The following SLC38A1 variants were observed in gnomAD, a reference collection of about 807,000 sequenced individuals.
SLC38A1 encodes sodium-coupled neutral amino acid symporter 1.
SLC38A1 carries 18 observed loss-of-function variants against 60.3 expected under a neutral mutation model. That is an observed-to-expected ratio of 0.30 (90% CI 0.21 to 0.44). SLC38A1 has a LOEUF of 0.44. Ranked by LOEUF, SLC38A1 falls within the 20% of genes least tolerant of loss-of-function variation. The pLI is 1.00. For missense variants in SLC38A1, 448 were observed against 587.2 expected, an observed-to-expected ratio of 0.76 and a Z score of 2.45; for synonymous variants, 196 against 212.1, an observed-to-expected ratio of 0.92 and a Z score of 0.66.
chr12:46,238,187 T>C (rs1592130845), intron 3 of SLC38A1, among the ~76,000 whole-genome samples: 1 of 149,736 alleles, frequency 6.7e-6, no homozygotes, highest in East Asian at 1.9e-4. Context: ...GAAATGGGTA[T>C]TATTATTAAG....
In SLC38A1 at chr12:46,239,685, A is replaced by C. The variant is rs760540701; in HGVS notation, c.116T>G (p.Ile39Arg). The change falls in exon 3 of 17, where the codon ATA becomes AGA. Residue 39 changes from isoleucine to arginine, a missense_variant. Around this residue, in one of 2 missense-constraint regions of SLC38A1, gnomAD observed 102 missense variants for 89.7 expected, o/e 1.14. Transcript: ENST00000398637. ...NDFTEVENGQ[I>R]NSKFISDRES... Reference sequence around the variant, plus strand: ...TTAGTGGAAAAATACTCACCTATTTATCTGACCATTTTCTACTTCGGTGAA... The same window carrying C: ...TTAGTGGAAAAATACTCACCTATTTCTCTGACCATTTTCTACTTCGGTGAA... The C allele has an allele frequency of 6.2e-7, 1 of 1,613,716 alleles. No individual in the cohort carries two copies. Among genetic ancestry groups the C allele is most frequent in the South Asian group, 1.1e-5 (1 of 91,066 alleles).
intron 16 of SLC38A1, among the ~76,000 whole-genome samples, chr12:46,193,769 T>C (rs948445796): frequency 4.6e-5 from 7 of 152,294 alleles, no homozygotes; most frequent in African/African-American, 1.4e-4. Context: ...CTTTTTTTTT[T>C]GCTTTCCATT....
intron 16 of SLC38A1, among the ~76,000 whole-genome samples, chr12:46,189,727 T>A (rs1325817333): frequency 2.0e-5 from 3 of 152,080 alleles, no homozygotes; most frequent in Non-Finnish European, 4.4e-5. Flanking sequence ...GGCGGGTCTT[T>A]CCCATGCTGT....
intron 2 of SLC38A1, among the ~76,000 whole-genome samples, chr12:46,240,218 T>C (rs1475648588): frequency 6.6e-6 from 1 of 152,184 alleles, no homozygotes; most frequent in African/African-American, 2.4e-5. Flanking sequence ...TTCTTTGAGA[T>C]GGAGTCTCGC....
At chr12:46,198,180 G>C (rs1939475999) in intron 14 of SLC38A1, 120 bp from the exon 15 acceptor site, 1 of 1,080,748 alleles carries the variant, frequency 9.3e-7, no homozygotes, top group Admixed American at 2.6e-5. Flanking sequence ...GTAATGCCTA[G>C]TGAATTTATA....
At chr12:46,194,490 T>C (rs1462189178) in intron 16 of SLC38A1, among the ~76,000 whole-genome samples, 3 of 152,190 alleles carry the variant, frequency 2.0e-5, no homozygotes, top group Non-Finnish European at 2.9e-5. Flanking sequence ...CCTTGCTAGA[T>C]TGGGGAAGTT....
At position 46,256,636 on chromosome 12, in the gene SLC38A1, C is replaced by CAGAGAGAGAGAGAGAGAG. The variant is rs1555192390; in HGVS notation, c.-209+11872_-209+11889dup. Among the ~76,000 whole-genome samples, 371 of 123,246 alleles carry CAGAGAGAGAGAGAGAGAG rather than the reference C, an allele frequency of 3.0e-3. 3 individuals are homozygous for CAGAGAGAGAGAGAGAGAG. Among genetic ancestry groups the CAGAGAGAGAGAGAGAGAG allele is most frequent in the South Asian group, 0.014 (51 of 3,616 alleles). 80.9% of individuals were successfully genotyped at this position (123,246 alleles called of 152,430 possible). A position where few individuals can be genotyped will look rare whatever the true frequency, so the allele number is the denominator to read the frequency against. On this transcript the variant is annotated intron_variant, in intron 1 of 16. Coordinates refer to ENST00000398637, the MANE Select transcript of SLC38A1 (RefSeq NM_030674.4). Reference sequence around the variant, plus strand: ...GCGCACACACACACACACACACACACAGAGAGAGAGAGAGAGAGAGAGAGA... The same window carrying CAGAGAGAGAGAGAGAGAG: ...GCGCACACACACACACACACACACACAGAGAGAGAGAGAGAGAGAGAGAGAGAGAGAGAGAGAGAGAGA...
In SLC38A1 at chr12:46,265,550, A is replaced by G. The variant is rs143297322; in HGVS notation, c.-209+2976T>C. On this transcript the variant is annotated intron_variant, in intron 1 of 16. Coordinates refer to ENST00000398637, the MANE Select transcript of SLC38A1 (RefSeq NM_030674.4). ...TAGGGTGAACTGTGAGAAAGAAAATATCAAGAGAAAAAATTGGAAAGAGAT... is the reference window on the plus strand; with the variant it reads ...TAGGGTGAACTGTGAGAAAGAAAATGTCAAGAGAAAAAATTGGAAAGAGAT... Among the ~76,000 whole-genome samples the G allele has an allele frequency of 6.5e-3, 992 of 152,328 alleles. 5 individuals are homozygous for G. The highest frequency in any genetic ancestry group is 8.4e-3 in the Admixed American group (129 of 15,298).
In SLC38A1 at chr12:46,207,516, A is replaced by G. The variant is rs777980243; in HGVS notation, c.481+13T>C. ...AGTTTCAAGTTATGTAAAGAAAAGC[A>G]TGTTCTTTTTACCTCCAGTGTTCTG... On this transcript the variant is annotated intron_variant, in intron 7 of 16. Coordinates refer to ENST00000398637, the MANE Select transcript of SLC38A1 (RefSeq NM_030674.4). The G allele has an allele frequency of 5.6e-6, 9 of 1,608,162 alleles. No homozygotes were observed. In the Admixed American group the frequency reaches 1.3e-4, roughly 24 times the overall value.
intron 1 of SLC38A1, chr12:46,254,842 G>T (rs1287305027): frequency 6.5e-6 from 1 of 153,174 alleles, no homozygotes; most frequent in Non-Finnish European, 1.5e-5. Flanking sequence ...GGGGAAATCA[G>T]GTAGAGAGAA....
intron 2 of SLC38A1, among the ~76,000 whole-genome samples, chr12:46,241,384 C>T (rs1425215508): frequency 6.6e-6 from 1 of 152,150 alleles, no homozygotes; most frequent in Non-Finnish European, 1.5e-5. Context: ...TTTCCACAGC[C>T]AGGCCACACA....
chr12:46,213,578 C>T (rs1940274361), intron 5 of SLC38A1, among the ~76,000 whole-genome samples: 1 of 152,172 alleles, frequency 6.6e-6, no homozygotes, highest in African/African-American at 2.4e-5. Context: ...TATCTCTCAC[C>T]CATTCCCTCA....
chr12:46,236,560 A>G (rs1208284918), intron 3 of SLC38A1, among the ~76,000 whole-genome samples: 1 of 152,162 alleles, frequency 6.6e-6, no homozygotes, highest in Non-Finnish European at 1.5e-5. Flanking sequence ...CTAAATCCAA[A>G]GCCATGTACT....
At chr12:46,224,831 A>G (rs1473635084) in intron 5 of SLC38A1, among the ~76,000 whole-genome samples, 1 of 152,210 alleles carries the variant, frequency 6.6e-6, no homozygotes, top group African/African-American at 2.4e-5. Context: ...TTATCCATGA[A>G]TCTTACAAAT....
chr12:46,252,728 T>C (rs1386288512), intron 1 of SLC38A1, among the ~76,000 whole-genome samples: 1 of 152,056 alleles, frequency 6.6e-6, no homozygotes, highest in Admixed American at 6.6e-5. Context: ...CCATGGTTTT[T>C]CTATGCACAT....
intron 1 of SLC38A1, among the ~76,000 whole-genome samples, chr12:46,252,566 CATGA>C (rs1941888001): frequency 6.6e-6 from 1 of 151,326 alleles, no homozygotes; most frequent in South Asian, 2.1e-4. Flanking sequence ...AAAATAATTA[CATGA>C]ATGAATTAAT....
intron 3 of SLC38A1, among the ~76,000 whole-genome samples, chr12:46,236,292 T>TC (rs765630717): frequency 4.6e-5 from 7 of 152,156 alleles, no homozygotes; most frequent in Non-Finnish European, 8.8e-5. Flanking sequence ...AGGATATAAA[T>TC]AAGTCCCACA....
At chr12:46,222,151 T>G (rs1940684359) in intron 5 of SLC38A1, among the ~76,000 whole-genome samples, 1 of 152,176 alleles carries the variant, frequency 6.6e-6, no homozygotes, top group Non-Finnish European at 1.5e-5. Context: ...AAAATATATT[T>G]TCTCTCTCAA....
At chr12:46,264,317 A>G (rs994093370) in intron 1 of SLC38A1, among the ~76,000 whole-genome samples, 1 of 152,230 alleles carries the variant, frequency 6.6e-6, no homozygotes, top group Non-Finnish European at 1.5e-5. Context: ...AGATGAGAAA[A>G]TGAGGCATAA....
Sources: gnomAD v4.1 joint callset for allele counts (sites outside exome capture counted in the v4.1 genomes callset) on GRCh38, gnomAD v4.1.1 for gene constraint, gnomAD v4.1.1 regional missense constraint, MANE v1.5 for transcripts, NCBI Gene and HGNC (gene_info 2026-07-23, HGNC 2026-07-21) for gene names.